NPC1: variants seen among roughly 807,000 people sequenced by gnomAD.
NPC1 encodes Niemann-Pick C1 protein.
In NPC1, 85 loss-of-function variants were observed where a neutral mutation model predicts 140.4. The observed-to-expected ratio is 0.61, with a 90% CI of 0.51 to 0.72. NPC1 has a LOEUF of 0.72. Among genes scored for constraint, NPC1 ranks in the 30% least tolerant of loss-of-function variants. The probability of loss-of-function intolerance (pLI) is 0.00; values close to 1 mark genes in which losing one functional copy is unlikely to be tolerated. For missense variants in NPC1, 1,504 were observed against 1,623.8 expected (o/e 0.93, Z 1.27); for synonymous variants, 656 against 624.8 (o/e 1.05, Z -0.74).
chr18:23,516,168 T>A lies in NPC1; in HGVS notation c.432-9526A>T, dbSNP rs979159865. On this transcript the variant is annotated intron_variant, in intron 3 of 3. Transcript: ENST00000591107. ...TCAGCTCCTGGAGCCATTCATTCTA[T>A]GCTGGGCAGACAGGCTGTGAGAGGA... 1.5e-5 allele frequency: 19 copies of A among 1,280,712 alleles called. No homozygotes were observed. The African/African-American group carries it at 2.8e-4, about 19-fold the overall frequency. 79.3% of individuals were successfully genotyped at this position (1,280,712 alleles called of 1,614,324 possible).
intron 6 of NPC1, among the ~76,000 whole-genome samples, chr18:23,559,693 T>C (rs1480175373): frequency 6.6e-6 from 1 of 151,416 alleles, no homozygotes; most frequent in Non-Finnish European, 1.5e-5. Flanking sequence ...CTTACTCCTG[T>C]AATCCCAGCA....
At chr18:23,559,592 C>A (rs1483295126) in intron 6 of NPC1, among the ~76,000 whole-genome samples, 1 of 149,820 alleles carries the variant, frequency 6.7e-6, no homozygotes, top group African/African-American at 2.5e-5. Flanking sequence ...CTGCCTTGGC[C>A]TCCTAAAGTG....
chr18:23,567,925 C>T (rs58232926), intron 4 of NPC1, among the ~76,000 whole-genome samples: 3,633 of 152,208 alleles, frequency 0.024, 147 homozygotes, highest in African/African-American at 0.083. Context: ...ATTTGCATTT[C>T]GCTGTCTGCT....
At chr18:23,532,568 A>G (rs1420728122) in intron 24 of NPC1, among the ~76,000 whole-genome samples, 2 of 151,946 alleles carry the variant, frequency 1.3e-5, no homozygotes, top group African/African-American at 4.8e-5. Flanking sequence ...CCTAACAAGT[A>G]GGTGGGACTG....
At chr18:23,535,137 C>G (rs1752081991) in intron 22 of NPC1, among the ~76,000 whole-genome samples, 1 of 152,108 alleles carries the variant, frequency 6.6e-6, no homozygotes, top group African/African-American at 2.4e-5. Flanking sequence ...TAGCCCAGAA[C>G]TAGGCCAGGA....
intron 10 of NPC1, among the ~76,000 whole-genome samples, chr18:23,548,595 T>C (rs1318279454): frequency 6.6e-6 from 1 of 152,146 alleles, no homozygotes; most frequent in East Asian, 1.9e-4. Context: ...TTTTAAAATT[T>C]TGTATCTTGG....
intron 14 of NPC1, among the ~76,000 whole-genome samples, chr18:23,543,037 G>T (rs189915309): frequency 2.6e-4 from 40 of 152,228 alleles, no homozygotes; most frequent in Non-Finnish European, 4.0e-4. Context: ...AAAAAAAGGA[G>T]ACAACACGGG....
Position 23,557,232 on chromosome 18 carries a change from C to T in NPC1, c.882-42G>A, listed in dbSNP as rs752033357. ...AAGAAATAGCATTAGTGGACTTCAT[C>T]ACAGTGAGGTTGTTTTTGGGACATT... is the stretch of plus-strand genomic sequence containing the variant. On this transcript the variant is annotated intron_variant, in intron 6 of 24. Transcript: ENST00000269228. The T allele has an allele frequency of 4.8e-6, 7 of 1,471,244 alleles. No homozygotes were observed. In the South Asian group the frequency reaches 8.0e-5, roughly 17 times the overall value. 91.1% of individuals were successfully genotyped at this position (1,471,244 alleles called of 1,614,324 possible).
rs773765255 is a variant in NPC1, at chr18:23,541,388, G to A, written c.2291C>T (p.Ala764Val). 1.9e-6 allele frequency: 3 copies of A among 1,614,168 alleles called. No homozygotes were observed. The highest frequency in any genetic ancestry group is 2.2e-5 in the East Asian group (1 of 44,888). The change falls in exon 15 of 25, where the codon GCG becomes GTG. Residue 764 changes from alanine (A) to valine (V), a missense_variant. Coordinates refer to ENST00000269228, the MANE Select transcript of NPC1 (RefSeq NM_000271.5). ...MPAVHTFSLF[A>V]GLAVFIDFLL... is the part of the protein sequence containing the mutation. ...AAAGTCAATGAAGACTGCCAATCCC[G>A]CAAAGAGAGAGAAGGTGTGCACGGC...
chr18:23,543,591 T>A (rs1463270862), intron 13 of NPC1, 22 bp from the exon 14 acceptor site: 11 of 1,048,022 alleles, frequency 1.0e-5, no homozygotes, highest in Admixed American at 1.8e-5. Flanking sequence ...AAAAAAAAAA[T>A]TATGCGACAT....
exon 4 of NPC1, chr18:23,506,623 A>G (rs745859655): frequency 3.9e-6 from 1 of 256,804 alleles, no homozygotes; most frequent in Non-Finnish European, 7.6e-6. Context: ...ACAAGTAGAT[A>G]GTTCTTTCCA....
At chr18:23,571,386 G>A (rs2059200814) in intron 3 of NPC1, among the ~76,000 whole-genome samples, 1 of 151,996 alleles carries the variant, frequency 6.6e-6, no homozygotes, top group Non-Finnish European at 1.5e-5. Flanking sequence ...AGGTGCAGTG[G>A]CTCATGCCTG....
rs10618426 is a variant in NPC1, at chr18:23,571,653, C to CA, written c.287+420dup. Among the ~76,000 whole-genome samples, 968 of 141,424 alleles carry CA rather than the reference C, an allele frequency of 6.8e-3. 2 individuals are homozygous for CA. Among genetic ancestry groups the CA allele is most frequent in the African/African-American group, 0.016 (604 of 38,862 alleles). The allele number at this position is 141,424 out of a possible 152,430, so 92.8% of individuals were successfully genotyped here. ...TCGGTGACAGAGCAAGAGTCTGTCT[C>CA]AAAAAAAAAAAAAAATAAAGAAAAA... On this transcript the variant is annotated intron_variant, in intron 3 of 24. Transcript: ENST00000269228.
downstream of NPC1, chr18:23,520,285 G>A (rs369100887): frequency 5.6e-6 from 9 of 1,613,864 alleles, no homozygotes; most frequent in East Asian, 2.2e-5. Context: ...CCGCTCGATC[G>A]ATCCAGCCCT....
chr18:23,532,359 C>T lies in NPC1; in HGVS notation c.3755-75G>A, dbSNP rs568058790. Reference sequence around the variant, plus strand: ...GTTGGCTGGGCATAGTGGCTCACGCCTGTAATCCCACTTTGGAAGACTGAG... The same window carrying T: ...GTTGGCTGGGCATAGTGGCTCACGCTTGTAATCCCACTTTGGAAGACTGAG... On this transcript the variant is annotated intron_variant, in intron 24 of 24. Coordinates refer to ENST00000269228, the MANE Select transcript of NPC1 (RefSeq NM_000271.5). The T allele has an allele frequency of 1.4e-5, 21 of 1,522,326 alleles. No homozygotes were observed. The South Asian group carries it at 1.8e-4, about 13-fold the overall frequency. 94.3% of individuals were successfully genotyped at this position (1,522,326 alleles called of 1,614,324 possible). A position where few individuals can be genotyped will look rare whatever the true frequency, so the allele number is the denominator to read the frequency against.
At chr18:23,558,582 A>G (rs886596357) in intron 6 of NPC1, among the ~76,000 whole-genome samples, 2 of 152,252 alleles carry the variant, frequency 1.3e-5, no homozygotes, top group African/African-American at 4.8e-5. Flanking sequence ...ATAAAACACA[A>G]AAATGTAATA....
At chr18:23,558,557 G>C (rs1472418018) in intron 6 of NPC1, among the ~76,000 whole-genome samples, 1 of 152,204 alleles carries the variant, frequency 6.6e-6, no homozygotes, top group Non-Finnish European at 1.5e-5. Flanking sequence ...TTCTGTCACA[G>C]ATTAGAGGGG....
At chr18:23,534,853 T>C (rs2058603167) in intron 22 of NPC1, among the ~76,000 whole-genome samples, 1 of 152,232 alleles carries the variant, frequency 6.6e-6, no homozygotes, top group Non-Finnish European at 1.5e-5. Flanking sequence ...TGGCGCATTG[T>C]CACAACTTCT....
intron 3 of NPC1, among the ~76,000 whole-genome samples, chr18:23,506,801 G>A (rs2057728052): frequency 6.6e-6 from 1 of 152,186 alleles, no homozygotes; most frequent in South Asian, 2.1e-4. Flanking sequence ...TTTCCAGTTG[G>A]ATTTGGTAGT....
Sources: gnomAD v4.1 joint callset for allele counts (sites outside exome capture counted in the v4.1 genomes callset) on GRCh38, gnomAD v4.1.1 for gene constraint, MANE v1.5 for transcripts, NCBI Gene and HGNC (gene_info 2026-07-23, HGNC 2026-07-21) for gene names.